Variants in DPP6 observed in about 807,000 individuals in gnomAD.
The protein encoded by DPP6 is A-type potassium channel modulatory protein DPP6.
A neutral mutation model predicts 122.6 loss-of-function variants in DPP6; 69 were observed. That is an observed-to-expected ratio of 0.56 (90% CI 0.46 to 0.69). The LOEUF (loss-of-function observed/expected upper bound fraction) is 0.69, where lower values mean the gene tolerates loss of function less well. Ranked by LOEUF, DPP6 falls within the 30% of genes least tolerant of loss-of-function variation. DPP6 has a pLI of 0.00. For synonymous variants in DPP6, 418 were observed against 433.1 expected (o/e 0.97, Z 0.43); for missense variants, 928 against 1,116.9 (o/e 0.83, Z 2.41).
At chr7:154,711,517 ATC>A (rs901674649) in intron 7 of DPP6, among the ~76,000 whole-genome samples, 12 of 152,268 alleles carry the variant, frequency 7.9e-5, no homozygotes, top group Admixed American at 7.2e-4. Flanking sequence ...AATGAAAGAA[ATC>A]TCTTAGAGAT....
chr7:154,612,586 A>G (rs1304456416), intron 5 of DPP6, among the ~76,000 whole-genome samples: 3 of 152,192 alleles, frequency 2.0e-5, no homozygotes, highest in Non-Finnish European at 4.4e-5. Flanking sequence ...GTTTTGGGCT[A>G]TTACAAAGGA....
chr7:154,374,088 C>T (rs951589546), intron 1 of DPP6, among the ~76,000 whole-genome samples: 1 of 152,172 alleles, frequency 6.6e-6, no homozygotes, highest in African/African-American at 2.4e-5. Flanking sequence ...ATCTGCCTAA[C>T]CCTGTCACGT....
At chr7:154,758,754 G>GTTTGT (rs765345263) in intron 8 of DPP6, among the ~76,000 whole-genome samples, 16 of 151,858 alleles carry the variant, frequency 1.1e-4, no homozygotes, top group South Asian at 8.3e-4. Flanking sequence ...TTGTTTGTTT[G>GTTTGT]TTTGTTTTGT....
chr7:154,620,632 T>C (rs758043744), intron 5 of DPP6, among the ~76,000 whole-genome samples: 2 of 152,234 alleles, frequency 1.3e-5, no homozygotes, highest in African/African-American at 2.4e-5. Context: ...TGAATGAGTT[T>C]TTTTTCCTCC....
chr7:154,332,444 G>T (rs1331117904), intron 1 of DPP6, among the ~76,000 whole-genome samples: 1 of 152,244 alleles, frequency 6.6e-6, no homozygotes, highest in Non-Finnish European at 1.5e-5. Context: ...GCTTCAGCTG[G>T]TTGGGCATAG....
intron 1 of DPP6, among the ~76,000 whole-genome samples, chr7:153,931,097 C>T (rs1801149906): frequency 6.6e-6 from 1 of 152,170 alleles, no homozygotes; most frequent in Admixed American, 6.5e-5. Flanking sequence ...ATGTATCTGT[C>T]TTTCTTGGCC....
chr7:154,533,700 A>C (rs1828022325), intron 3 of DPP6, among the ~76,000 whole-genome samples: 1 of 152,176 alleles, frequency 6.6e-6, no homozygotes, highest in Admixed American at 6.5e-5. Flanking sequence ...ATATTAACAC[A>C]TAAAAATCAA....
intron 3 of DPP6, among the ~76,000 whole-genome samples, chr7:154,535,050 A>G (rs1476424453): frequency 6.6e-6 from 1 of 151,806 alleles, no homozygotes; most frequent in East Asian, 1.9e-4. Context: ...AAGTCCAGAA[A>G]AAGAAATCTA....
Position 154,566,857 on chromosome 7 carries a change from A to T in DPP6, c.568A>T (p.Ile190Phe). 1 of 1,593,278 alleles carries T rather than the reference A, an allele frequency of 6.3e-7. No homozygotes were observed. Among genetic ancestry groups the T allele is most frequent in the Non-Finnish European group, 8.6e-7 (1 of 1,163,740 alleles). ...TTTCTTTTAGGAATCATTAAGAGCC[A>T]TCAGATATGAAATATCTCCAGATAG... ...EGKKIESLRA[I>F]RYEISPDREY... Residue 190 changes from isoleucine (I) to phenylalanine (F), a missense_variant, in exon 5 of 26, where the codon ATC (isoleucine) becomes TTC (phenylalanine). Physicochemically the swap from Ile to Phe is conservative, Grantham distance 21 (BLOSUM62 0). Transcript: ENST00000377770.
Position 153,992,962 on chromosome 7 carries a change from G to A in DPP6, c.51+105228G>A, listed in dbSNP as rs576481270. On this transcript the variant is annotated intron_variant, in intron 1 of 25. Coordinates refer to the DPP6 transcript ENST00000404039. ...CAAGATTTTCCAATTTTCTTAACTT[G>A]AAGTCATAGCTCTCTCCCCCTACCT... 2.4e-3 allele frequency among the ~76,000 whole-genome samples: 360 copies of A among 151,844 alleles called. 3 individuals carry two copies. Among genetic ancestry groups the A allele is most frequent in the South Asian group, 0.013 (60 of 4,782 alleles).
Position 154,496,407 on chromosome 7 carries a change from A to T in DPP6, c.457+21370A>T, listed in dbSNP as rs76945557. ...GAAGGGGAGCTATGTGAGTCCAGAGACTTAAGATTTTTTTTACTATGTGAG... is the reference window on the plus strand; with the variant it reads ...GAAGGGGAGCTATGTGAGTCCAGAGTCTTAAGATTTTTTTTACTATGTGAG... On this transcript the variant is annotated intron_variant, in intron 3 of 25. Transcript: ENST00000377770. Among the ~76,000 whole-genome samples, 422 of 152,342 alleles carry T rather than the reference A, an allele frequency of 2.8e-3. 2 individuals are homozygous for T. The highest frequency in any genetic ancestry group is 9.9e-3 in the African/African-American group (411 of 41,574).
rs190164796 is a variant in DPP6, at chr7:153,900,273, C to T, written c.51+12539C>T. ...TTTTTCTGAGCCCTACAAACTTTTT[C>T]AACCTCTGCCCTAAAGCTGCTTTCA... is the stretch of plus-strand genomic sequence containing the variant. On this transcript the variant is annotated intron_variant, in intron 1 of 25. Transcript: ENST00000404039. Among the ~76,000 whole-genome samples the T allele has an allele frequency of 1.0e-3, 149 of 149,080 alleles. 1 individual carries two copies. The highest frequency in any genetic ancestry group is 3.2e-3 in the African/African-American group (128 of 40,424).
intron 1 of DPP6, among the ~76,000 whole-genome samples, chr7:154,445,145 G>A (rs975026486): frequency 6.6e-6 from 1 of 152,234 alleles, no homozygotes; most frequent in East Asian, 1.9e-4. Flanking sequence ...ATATATTTAT[G>A]TATTGCATTG....
intron 1 of DPP6, among the ~76,000 whole-genome samples, chr7:154,162,109 A>G (rs1797011526): frequency 6.9e-6 from 1 of 145,694 alleles, no homozygotes; most frequent in Admixed American, 7.0e-5. Context: ...AGGAAAATGC[A>G]CTTGGGTTCA....
chr7:154,828,739 T>C (rs1030534684), intron 16 of DPP6, among the ~76,000 whole-genome samples: 1 of 152,208 alleles, frequency 6.6e-6, no homozygotes, highest in East Asian at 1.9e-4. Context: ...CTCTGACCCA[T>C]GCAGATGTCA....
chr7:154,091,831 C>G (rs1378887791), intron 1 of DPP6, among the ~76,000 whole-genome samples: 1 of 152,070 alleles, frequency 6.6e-6, no homozygotes, highest in Non-Finnish European at 1.5e-5. Context: ...ATCCACTGCC[C>G]AGCATTTTGT....
chr7:154,713,863 A>C (rs1381288558), intron 7 of DPP6, among the ~76,000 whole-genome samples: 2 of 152,080 alleles, frequency 1.3e-5, no homozygotes, highest in African/African-American at 4.8e-5. Flanking sequence ...GCCAACTTGA[A>C]TTTCTTCCCA....
chr7:154,003,456 G>A (rs1011776809), intron 1 of DPP6, among the ~76,000 whole-genome samples: 11 of 152,214 alleles, frequency 7.2e-5, no homozygotes, highest in South Asian at 2.1e-4. Flanking sequence ...AAAGCTGAGC[G>A]TGTGTGACAC....
chr7:154,519,530 G>A (rs1324493999), intron 3 of DPP6, among the ~76,000 whole-genome samples: 1 of 152,250 alleles, frequency 6.6e-6, no homozygotes, highest in Non-Finnish European at 1.5e-5. Flanking sequence ...CAAGTCGGAA[G>A]GAGTAGATGA....
Sources: allele counts gnomAD v4.1 joint callset (sites outside exome capture counted in the v4.1 genomes callset), GRCh38; gene constraint gnomAD v4.1.1; transcripts MANE v1.5; gene names NCBI Gene and HGNC (gene_info 2026-07-23, HGNC 2026-07-21).